TACC2: variants seen among roughly 807,000 people sequenced by gnomAD.
TACC2 encodes the protein transforming acidic coiled-coil-containing protein 2.
TACC2 carries 137 observed loss-of-function variants against 227.3 expected under a neutral mutation model. The ratio of observed to expected loss-of-function variants is 0.60; its 90% CI spans 0.52 to 0.69. The LOEUF (loss-of-function observed/expected upper bound fraction) is 0.69, where lower values mean the gene tolerates loss of function less well. TACC2 is among the 30% of genes least tolerant of loss of function. TACC2 has a pLI of 0.00. For missense variants in TACC2, 3,470 were observed against 3,694.4 expected, an observed-to-expected ratio of 0.94 and a Z score of 1.57; for synonymous variants, 1,523 against 1,487.5, an observed-to-expected ratio of 1.02 and a Z score of -0.55.
chr10:122,015,531 A>G (rs1257113572), intron 1 of TACC2, among the ~76,000 whole-genome samples: 1 of 151,280 alleles, frequency 6.6e-6, no homozygotes, highest in African/African-American at 2.4e-5. Context: ...AAACAAAAAA[A>G]CTCAATGTTT....
intron 1 of TACC2, among the ~76,000 whole-genome samples, chr10:122,017,818 CAA>C (rs5788525): frequency 4.4e-3 from 332 of 74,936 alleles, no homozygotes; most frequent in African/African-American, 0.015. Context: ...GAAACTGTCT[CAA>C]AAAAAAAAAA....
At chr10:122,232,782 C>T (rs868402435) in intron 16 of TACC2, among the ~76,000 whole-genome samples, 10 of 152,116 alleles carry the variant, frequency 6.6e-5, no homozygotes, top group South Asian at 2.1e-4. Context: ...AAAGATTGTT[C>T]CTTGCTGCAT....
intron 5 of TACC2, among the ~76,000 whole-genome samples, chr10:122,097,577 G>T (rs1405446596): frequency 1.3e-5 from 2 of 150,864 alleles, no homozygotes; most frequent in Non-Finnish European, 2.9e-5. Context: ...GGCCCTGGGA[G>T]TAGGAGGGAG....
At chr10:122,140,662 G>C (rs2090392261) in intron 6 of TACC2, among the ~76,000 whole-genome samples, 1 of 152,216 alleles carries the variant, frequency 6.6e-6, no homozygotes, top group Admixed American at 6.5e-5. Context: ...ATTGGTCCTG[G>C]GCATTTGTTC....
intron 1 of TACC2, among the ~76,000 whole-genome samples, chr10:122,000,962 A>G (rs1365658983): frequency 2.6e-5 from 4 of 152,144 alleles, no homozygotes; most frequent in Non-Finnish European, 5.9e-5. Flanking sequence ...AGCTGGGACT[A>G]CAGGCATGCG....
At chr10:122,214,884 C>G (rs890529929) in intron 9 of TACC2, among the ~76,000 whole-genome samples, 1 of 152,074 alleles carries the variant, frequency 6.6e-6, no homozygotes, top group African/African-American at 2.4e-5. Context: ...CTCAAAGATC[C>G]TGTGATAGGG....
intron 2 of TACC2, among the ~76,000 whole-genome samples, chr10:122,027,424 A>G (rs1958176110): frequency 6.6e-6 from 1 of 151,604 alleles, no homozygotes; most frequent in South Asian, 2.1e-4. Flanking sequence ...GTTGAGATTC[A>G]TTTTTGTGTC....
At chr10:122,238,742 C>T (rs1048285220) in intron 18 of TACC2, among the ~76,000 whole-genome samples, 6 of 152,012 alleles carry the variant, frequency 3.9e-5, no homozygotes, top group Admixed American at 6.6e-5. Flanking sequence ...TGAGTCGCTG[C>T]GCCTGACCCA....
intron 2 of TACC2, among the ~76,000 whole-genome samples, chr10:122,032,798 A>C (rs965981488): frequency 2.0e-5 from 3 of 152,114 alleles, no homozygotes; most frequent in Non-Finnish European, 4.4e-5. Flanking sequence ...ATCTCTACTA[A>C]AAATACAAAA....
chr10:122,244,140 G>C (rs1012871512), intron 19 of TACC2, among the ~76,000 whole-genome samples: 1 of 152,138 alleles, frequency 6.6e-6, no homozygotes, highest in African/African-American at 2.4e-5. Flanking sequence ...CTCTCATCCT[G>C]GTGCCAGGGG....
chr10:122,006,866 T>C (rs1955224651), intron 1 of TACC2, among the ~76,000 whole-genome samples: 1 of 150,778 alleles, frequency 6.6e-6, no homozygotes, highest in Non-Finnish European at 1.5e-5. Context: ...CTGATTTTTT[T>C]TTTTTTTTTT....
chr10:122,077,963 G>C (rs574284146), intron 3 of TACC2, among the ~76,000 whole-genome samples: 1 of 152,104 alleles, frequency 6.6e-6, no homozygotes, highest in Non-Finnish European at 1.5e-5. Flanking sequence ...GGGAGGCCGA[G>C]GCGGGCAGAT....
chr10:122,204,638 C>A (rs2095041450), intron 8 of TACC2, among the ~76,000 whole-genome samples: 1 of 152,152 alleles, frequency 6.6e-6, no homozygotes, highest in Non-Finnish European at 1.5e-5. Context: ...GAGTTTGAGA[C>A]CAGCCTGGGC....
rs114461830 is a variant in TACC2, at chr10:122,111,901, G to A, written c.5574-20708G>A. ...AATGGACACATTAATACGATACGAGGAAACCTGTGATAAGCATGTGAACAA... is the reference window on the plus strand; with the variant it reads ...AATGGACACATTAATACGATACGAGAAAACCTGTGATAAGCATGTGAACAA... On this transcript the variant is annotated intron_variant, in intron 5 of 22. Coordinates refer to ENST00000369005, the MANE Select transcript of TACC2 (RefSeq NM_206862.4). Among the ~76,000 whole-genome samples the A allele has an allele frequency of 9.1e-3, 1,377 of 150,928 alleles. 21 individuals are homozygous for A. Among genetic ancestry groups the A allele is most frequent in the African/African-American group, 0.032 (1,310 of 41,402 alleles).
chr10:122,010,610 C>T (rs1038005635), intron 1 of TACC2, among the ~76,000 whole-genome samples: 1 of 152,192 alleles, frequency 6.6e-6, no homozygotes, highest in African/African-American at 2.4e-5. Flanking sequence ...GTGGCTGCCA[C>T]TCAAGGGACC....
At chr10:122,173,885 C>G (rs1309184008) in intron 7 of TACC2, among the ~76,000 whole-genome samples, 1 of 152,198 alleles carries the variant, frequency 6.6e-6, no homozygotes, top group Non-Finnish European at 1.5e-5. Context: ...TACCCTCCAG[C>G]CCCATGCACG....
At chr10:122,199,531 G>C (rs1376117593) in intron 8 of TACC2, among the ~76,000 whole-genome samples, 2 of 152,328 alleles carry the variant, frequency 1.3e-5, no homozygotes, top group East Asian at 3.9e-4. Context: ...CCAGCCTGGG[G>C]CAGGGGCACA....
chr10:122,187,551 T>C (rs1291829713), intron 7 of TACC2, among the ~76,000 whole-genome samples: 2 of 151,966 alleles, frequency 1.3e-5, no homozygotes, highest in Non-Finnish European at 2.9e-5. Context: ...AGTGCAGTGG[T>C]GTGACCTTGG....
chr10:122,230,375 C>A lies in TACC2; in HGVS notation c.8062C>A (p.Arg2688=). Residue 2688 remains arginine (R), a synonymous_variant, in exon 16 of 23, where the codon CGG becomes AGG. Coordinates refer to ENST00000369005, the MANE Select transcript of TACC2 (RefSeq NM_206862.4). Reference sequence around the variant, plus strand: ...GGAGGAGTTAGAGTTTGCCATCATGCGGATAGAAGCCCTGAAGCTGGCCAG... The same window carrying A: ...GGAGGAGTTAGAGTTTGCCATCATGAGGATAGAAGCCCTGAAGCTGGCCAG... ...LQEELEFAIM[R]IEALKLARQI... The A allele has an allele frequency of 6.2e-7, 1 of 1,614,142 alleles. No homozygotes were observed. Among genetic ancestry groups the A allele is most frequent in the Non-Finnish European group, 8.5e-7 (1 of 1,180,022 alleles).
Sources: gnomAD v4.1 joint callset for allele counts (sites outside exome capture counted in the v4.1 genomes callset) on GRCh38, gnomAD v4.1.1 for gene constraint, MANE v1.5 for transcripts, NCBI Gene and HGNC (gene_info 2026-07-23, HGNC 2026-07-21) for gene names.